Variants in SYT2 observed in about 807,000 individuals in gnomAD.
SYT2 encodes synaptotagmin 2.
Under a neutral mutation model 39.9 loss-of-function variants are expected in SYT2, and 15 were observed. The ratio of observed to expected loss-of-function variants is 0.38; its 90% CI spans 0.25 to 0.58. SYT2 has a LOEUF of 0.58. Among genes scored for constraint, SYT2 ranks in the 20% least tolerant of loss-of-function variants. The pLI, the probability that SYT2 is intolerant of heterozygous loss-of-function variation, is 0.70. For missense variants in SYT2, 389 were observed against 530.3 expected (o/e 0.73, Z 2.62); for synonymous variants, 181 against 204.5 (o/e 0.89, Z 0.98).
chr1:202,630,535 G>A (rs146569346), intron 1 of SYT2: 102 of 273,966 alleles, frequency 3.7e-4, no homozygotes, highest in Non-Finnish European at 5.1e-4. Flanking sequence ...CCACTTTCCA[G>A]GCAAGAGACG....
intron 1 of SYT2, among the ~76,000 whole-genome samples, chr1:202,666,851 A>G (rs1692489551): frequency 6.6e-6 from 1 of 152,182 alleles, no homozygotes; most frequent in Admixed American, 6.5e-5. Context: ...GTGTGATGGC[A>G]GGTGCCTGTG....
At chr1:202,702,121 G>C (rs534607557) in intron 1 of SYT2, among the ~76,000 whole-genome samples, 2 of 152,282 alleles carry the variant, frequency 1.3e-5, no homozygotes, top group East Asian at 3.9e-4. Context: ...TGAGGACCTG[G>C]GCTTCTATTA....
At chr1:202,635,557 C>G (rs564759455) in intron 1 of SYT2, among the ~76,000 whole-genome samples, 1 of 152,150 alleles carries the variant, frequency 6.6e-6, no homozygotes, top group Non-Finnish European at 1.5e-5. Flanking sequence ...GCCAAGAAAC[C>G]TCATCTCTGG....
intron 1 of SYT2, among the ~76,000 whole-genome samples, chr1:202,673,752 C>G (rs1419681361): frequency 6.6e-6 from 1 of 152,228 alleles, no homozygotes; most frequent in Non-Finnish European, 1.5e-5. Flanking sequence ...CCAGCCACCT[C>G]TAGTTTCTCA....
At chr1:202,652,866 TTCA>T (rs1173670924) in intron 1 of SYT2, among the ~76,000 whole-genome samples, 1 of 152,188 alleles carries the variant, frequency 6.6e-6, no homozygotes, top group Admixed American at 6.5e-5. Context: ...TCAAGGAACA[TTCA>T]TCACCAATTC....
At position 202,599,686 on chromosome 1, in the gene SYT2, C is replaced by A. The variant is rs1433910269; in HGVS notation, c.920-335G>T. On this transcript the variant is annotated intron_variant, in intron 7 of 8. Coordinates refer to ENST00000367268, the MANE Select transcript of SYT2 (RefSeq NM_177402.5). The surrounding 1 kb of genome is among the most constrained non-coding windows in gnomAD (Gnocchi z 4.4). ...GGAGTGCTGAAGTCAGGACACACATCTGCTGGGTCATAATCCCAATCCGAT... is the reference window on the plus strand; with the variant it reads ...GGAGTGCTGAAGTCAGGACACACATATGCTGGGTCATAATCCCAATCCGAT... Among the ~76,000 whole-genome samples the A allele has an allele frequency of 6.6e-6, 1 of 152,182 alleles. No homozygotes were observed. The highest frequency in any genetic ancestry group is 1.5e-5 in the Non-Finnish European group (1 of 68,042).
At chr1:202,659,378 C>T (rs1692338387) in intron 1 of SYT2, among the ~76,000 whole-genome samples, 1 of 152,204 alleles carries the variant, frequency 6.6e-6, no homozygotes, top group Admixed American at 6.5e-5. Flanking sequence ...AGACCTATCC[C>T]TGCCAGCTCA....
chr1:202,704,709 G>A (rs143663705), intron 1 of SYT2, among the ~76,000 whole-genome samples: 6,335 of 115,888 alleles, frequency 0.055, 208 homozygotes, highest in Non-Finnish European at 0.091. Context: ...CAGAGGAGCC[G>A]TTTAATTGCC....
At chr1:202,635,992 A>G (rs1691730380) in intron 1 of SYT2, among the ~76,000 whole-genome samples, 3 of 152,114 alleles carry the variant, frequency 2.0e-5, no homozygotes, top group South Asian at 2.1e-4. Flanking sequence ...GCCTCCCTGC[A>G]CTGTGGATAG....
chr1:202,677,506 C>T (rs557863570), intron 1 of SYT2, among the ~76,000 whole-genome samples: 1 of 152,298 alleles, frequency 6.6e-6, no homozygotes, highest in African/African-American at 2.4e-5. Context: ...ACAGAAAGCC[C>T]TGGCCCACAG....
intron 1 of SYT2, among the ~76,000 whole-genome samples, chr1:202,640,456 G>A (rs1446809143): frequency 6.6e-6 from 1 of 152,158 alleles, no homozygotes; most frequent in Non-Finnish European, 1.5e-5. Flanking sequence ...TCCCCCTCCA[G>A]GTTGAGCCAG....
rs1691482035 is a variant in SYT2, at chr1:202,628,547, C to G, written c.-17-22758G>C. Among the ~76,000 whole-genome samples the G allele has an allele frequency of 6.6e-6, 1 of 152,176 alleles. No homozygotes were observed. The highest frequency in any genetic ancestry group is 2.1e-4 in the South Asian group (1 of 4,828). On this transcript the variant is annotated intron_variant, in intron 1 of 8. Transcript: ENST00000367268. This position sits in a 1 kb window ranked among gnomAD's most constrained non-coding sequence, Gnocchi z 4.2. ...CAACACCTATGACAGCTCATGGTCT[C>G]CAGAAACTAAAGTGGAGCATGCAAG...
chr1:202,612,522 C>T (rs1393819773), intron 1 of SYT2, among the ~76,000 whole-genome samples: 1 of 152,138 alleles, frequency 6.6e-6, no homozygotes, highest in African/African-American at 2.4e-5. Context: ...CCCATGCCAC[C>T]ACAACTGGCT....
chr1:202,619,789 G>A (rs1380404659), intron 1 of SYT2, among the ~76,000 whole-genome samples: 2 of 152,248 alleles, frequency 1.3e-5, no homozygotes, highest in Admixed American at 6.5e-5. Context: ...GAGGGCATCA[G>A]AGCAGGGCAG....
At chr1:202,693,203 T>C (rs1483213098) in intron 1 of SYT2, among the ~76,000 whole-genome samples, 2 of 152,146 alleles carry the variant, frequency 1.3e-5, no homozygotes, top group African/African-American at 4.8e-5. Context: ...CATTTCTAAA[T>C]ACTGTTGGGG....
At chr1:202,691,504 G>C (rs1653815295) in intron 1 of SYT2, among the ~76,000 whole-genome samples, 1 of 151,800 alleles carries the variant, frequency 6.6e-6, no homozygotes, top group South Asian at 2.1e-4. Flanking sequence ...TAAAAAACTA[G>C]CCACATGCAG....
chr1:202,613,806 G>A (rs923991172), intron 1 of SYT2, among the ~76,000 whole-genome samples: 2 of 152,202 alleles, frequency 1.3e-5, no homozygotes, highest in East Asian at 1.9e-4. Flanking sequence ...AGGCAGCACA[G>A]GCTGGGGGAA....
At position 202,639,712 on chromosome 1, in the gene SYT2, C is replaced by T. The variant is rs144103943; in HGVS notation, c.-17-33923G>A. ...TCTCAGACTCATGCTGCTTGCTTGGCCTTTGGCCTTTGTGGCTGAGCTCTT... is the reference window on the plus strand; with the variant it reads ...TCTCAGACTCATGCTGCTTGCTTGGTCTTTGGCCTTTGTGGCTGAGCTCTT... On this transcript the variant is annotated intron_variant, in intron 1 of 8. Transcript: ENST00000367268. 15 of 985,444 alleles carry T rather than the reference C, an allele frequency of 1.5e-5. 1 individual carries two copies. In the East Asian group the frequency reaches 1.5e-3, roughly 97 times the overall value. 61.0% of individuals were successfully genotyped at this position (985,444 alleles called of 1,614,324 possible).
chr1:202,706,157 C>T (rs1654245267), intron 1 of SYT2, among the ~76,000 whole-genome samples: 1 of 151,980 alleles, frequency 6.6e-6, no homozygotes, highest in South Asian at 2.1e-4. Context: ...ACTGTCAGTT[C>T]CAGAGATGAA....
Sources: gnomAD v4.1 joint callset for allele counts (sites outside exome capture counted in the v4.1 genomes callset) on GRCh38, gnomAD v4.1.1 for gene constraint, Gnocchi (gnomAD v3.1) non-coding constraint, MANE v1.5 for transcripts, NCBI Gene and HGNC (gene_info 2026-07-23, HGNC 2026-07-21) for gene names.